CCDC15: variants seen among roughly 807,000 people sequenced by gnomAD.
CCDC15 encodes coiled-coil domain-containing protein 15.
CCDC15 carries 105 observed loss-of-function variants against 114.5 expected under a neutral mutation model. The observed-to-expected ratio is 0.92, with a 90% CI of 0.78 to 1.08. The LOEUF (loss-of-function observed/expected upper bound fraction) is 1.08. CCDC15 is among the 50% of genes least tolerant of loss of function. CCDC15 has a pLI of 0.00. For missense variants in CCDC15, 1,105 were observed against 1,093.6 expected, an observed-to-expected ratio of 1.01 and a Z score of -0.15; for synonymous variants, 334 against 377.8, an observed-to-expected ratio of 0.88 and a Z score of 1.34.
intron 13 of CCDC15, among the ~76,000 whole-genome samples, chr11:125,019,635 T>C (rs1262638473): frequency 6.6e-6 from 1 of 151,778 alleles, no homozygotes; most frequent in Non-Finnish European, 1.5e-5. Flanking sequence ...CTTGATAGGA[T>C]TTTGTTAGAG....
chr11:125,026,532 T>A (rs1948703441), intron 13 of CCDC15, among the ~76,000 whole-genome samples: 1 of 152,200 alleles, frequency 6.6e-6, no homozygotes. Context: ...GCTCACCTGA[T>A]TTTTGGTCCT....
Position 125,040,863 on chromosome 11 carries a change from CTCTG to C in CCDC15, c.*157_*160del, listed in dbSNP as rs1313782329. The C allele has an allele frequency of 8.2e-6, 6 of 728,260 alleles. No homozygotes were observed. Among genetic ancestry groups the C allele is most frequent in the Non-Finnish European group, 1.3e-5 (6 of 459,828 alleles). The allele number at this position is 728,260 out of a possible 1,614,324, so 45.1% of individuals were successfully genotyped here. On this transcript the variant is annotated 3_prime_UTR_variant, in exon 16 of 16. Transcript: ENST00000344762. ...ATTAGATTGTAATCATTGTTTTAAT[CTCTG>C]TCTGGGAACCAAGATTGAAAGCTGA...
intron 4 of CCDC15, among the ~76,000 whole-genome samples, chr11:124,965,955 G>C (rs1156334199): frequency 1.3e-5 from 2 of 152,208 alleles, no homozygotes; most frequent in Non-Finnish European, 2.9e-5. Context: ...GTGGTTTTGA[G>C]TGAGTTTCTT....
intron 4 of CCDC15, among the ~76,000 whole-genome samples, chr11:124,968,082 T>C (rs12277044): frequency 0.2 from 30,869 of 151,972 alleles, 3,726 homozygotes; most frequent in African/African-American, 0.34. Flanking sequence ...TACTGGGAGG[T>C]GTCTCCCAGT....
chr11:124,991,208 A>T (rs1948263172), intron 8 of CCDC15, among the ~76,000 whole-genome samples: 1 of 152,210 alleles, frequency 6.6e-6, no homozygotes, highest in Non-Finnish European at 1.5e-5. Flanking sequence ...CCTCCATCAG[A>T]GGCAAGGTAG....
intron 13 of CCDC15, among the ~76,000 whole-genome samples, chr11:125,032,011 A>C (rs1948742715): frequency 6.6e-6 from 1 of 152,096 alleles, no homozygotes; most frequent in African/African-American, 2.4e-5. Context: ...ACACCACTGG[A>C]CCCCTAGACA....
At chr11:125,011,925 C>T (rs1313917245) in intron 13 of CCDC15, among the ~76,000 whole-genome samples, 2 of 152,138 alleles carry the variant, frequency 1.3e-5, no homozygotes, top group African/African-American at 4.8e-5. Flanking sequence ...TCCAGTCCAC[C>T]CCCTTTCTAT....
intron 13 of CCDC15, among the ~76,000 whole-genome samples, chr11:125,023,476 G>T (rs1464889117): frequency 6.6e-6 from 1 of 151,912 alleles, no homozygotes; most frequent in Non-Finnish European, 1.5e-5. Flanking sequence ...CAATTTAAAA[G>T]TGGACAAGGA....
intron 4 of CCDC15, among the ~76,000 whole-genome samples, chr11:124,965,154 A>G (rs1947751592): frequency 6.6e-6 from 1 of 152,226 alleles, no homozygotes; most frequent in African/African-American, 2.4e-5. Context: ...TGCTGGCCTC[A>G]TAAAATGAGT....
intron 6 of CCDC15, 32 bp from the exon 7 acceptor site, chr11:124,986,710 C>CGCG: frequency 7.0e-7 from 1 of 1,423,546 alleles, no homozygotes; most frequent in East Asian, 2.5e-5. Context: ...TGCGCGCGCG[C>CGCG]GCGTGCGCGT....
At chr11:125,012,433 A>T (rs1259552739) in intron 13 of CCDC15, among the ~76,000 whole-genome samples, 1 of 152,242 alleles carries the variant, frequency 6.6e-6, no homozygotes, top group East Asian at 1.9e-4. Context: ...GATAAATAAA[A>T]TTCATTCCTT....
chr11:124,992,868 T>TA (rs1731235356), intron 10 of CCDC15, among the ~76,000 whole-genome samples, 181 bp downstream of exon 10: 2 of 152,198 alleles, frequency 1.3e-5, no homozygotes, highest in African/African-American at 4.8e-5. Flanking sequence ...GCCAGAATAA[T>TA]CTGGAATTTG....
rs765617963 is a variant in CCDC15 at position 125,040,688 on chromosome 11, A to G, written c.2833A>G (p.Arg945Gly). The change falls in exon 16 of 16, where the codon AGG (arginine) becomes GGG (glycine). Residue 945 changes from arginine to glycine, a missense_variant. Physicochemically the swap from Arg to Gly is moderately radical, Grantham distance 125. Transcript: ENST00000344762. ...AATTCATAATTTTGCTTCTGCACAC[A>G]GGCGGACTTTGAAAAATCTATAATA... The part of the protein sequence containing the change: ...VAIHNFASAH[R>G]RTLKNL 1 of 1,612,210 alleles carries G rather than the reference A, an allele frequency of 6.2e-7. No homozygotes were observed. The highest frequency in any genetic ancestry group is 8.5e-7 in the Non-Finnish European group (1 of 1,179,018).
intron 13 of CCDC15, among the ~76,000 whole-genome samples, chr11:125,031,272 C>T (rs772915820): frequency 5.3e-5 from 8 of 152,162 alleles, no homozygotes; most frequent in African/African-American, 1.2e-4. Flanking sequence ...TGAACCAGGC[C>T]GTAGTCTTCT....
intron 13 of CCDC15, among the ~76,000 whole-genome samples, chr11:125,034,226 C>CA (rs898513135): frequency 1.3e-5 from 2 of 151,832 alleles, no homozygotes; most frequent in Admixed American, 6.6e-5. Context: ...TTTCTTCCGG[C>CA]AAAAAAAATT....
At chr11:125,036,663 C>G (rs566064773) in intron 13 of CCDC15, among the ~76,000 whole-genome samples, 1 of 152,166 alleles carries the variant, frequency 6.6e-6, no homozygotes, top group East Asian at 1.9e-4. Context: ...TTCTATTCTT[C>G]TTCCTTTTGT....
chr11:125,038,760 C>T (rs1415296859), intron 14 of CCDC15, 156 bp downstream of exon 14: 2 of 1,150,568 alleles, frequency 1.7e-6, no homozygotes, highest in African/African-American at 1.6e-5. Flanking sequence ...TTGCCTAATA[C>T]TTCTTGGGTG....
intron 13 of CCDC15, among the ~76,000 whole-genome samples, chr11:125,037,095 A>G (rs149142031): frequency 1.3e-5 from 2 of 152,176 alleles, no homozygotes; most frequent in East Asian, 3.9e-4. Flanking sequence ...CTTTGGTTAG[A>G]TGCCCAACGT....
intron 11 of CCDC15, among the ~76,000 whole-genome samples, chr11:125,002,215 G>A (rs1179473403): frequency 6.6e-6 from 1 of 152,122 alleles, no homozygotes; most frequent in Non-Finnish European, 1.5e-5. Flanking sequence ...TTGGAGAACT[G>A]TTAGATGCTT....
Sources: allele counts gnomAD v4.1 joint callset (sites outside exome capture counted in the v4.1 genomes callset), GRCh38; gene constraint gnomAD v4.1.1; transcripts MANE v1.5; gene names NCBI Gene and HGNC (gene_info 2026-07-23, HGNC 2026-07-21).